SEMA3C: variants seen among roughly 807,000 people sequenced by gnomAD.
The protein encoded by SEMA3C is semaphorin-3C.
In SEMA3C, 47 loss-of-function variants were observed where a neutral mutation model predicts 89.4. The ratio of observed to expected loss-of-function variants is 0.53; its 90% CI spans 0.42 to 0.67. SEMA3C has a LOEUF of 0.67. Ranked by LOEUF, SEMA3C falls within the 30% of genes least tolerant of loss-of-function variation. SEMA3C has a pLI of 0.00. For missense variants in SEMA3C, 839 were observed against 929.1 expected (o/e 0.90, Z 1.26); for synonymous variants, 310 against 320.2 (o/e 0.97, Z 0.34).
At position 80,789,385 on chromosome 7, in the gene SEMA3C, A is replaced by C. The variant is rs755717781; in HGVS notation, c.1275T>G (p.Thr425=). The stretch of plus-strand genomic sequence containing the variant: ...CAGCTATCTTTGTATACTTGTAGTC[A>C]GTGCCAATACGAACAATCAAAGGCC... ...HKRPLIVRIG[T]DYKYTKIAVD... is the part of the protein sequence containing the mutation. The change falls in exon 12 of 18, where the codon ACT becomes ACG. Residue 425 remains threonine (T), a synonymous_variant. Coordinates refer to ENST00000265361, the MANE Select transcript of SEMA3C (RefSeq NM_006379.5). 6.8e-6 allele frequency: 11 copies of C among 1,613,996 alleles called. No individual in the cohort carries two copies. The highest frequency in any genetic ancestry group is 9.3e-6 in the Non-Finnish European group (11 of 1,179,988).
At chr7:80,822,252 G>C (rs1789766321) in intron 4 of SEMA3C, among the ~76,000 whole-genome samples, 1 of 152,064 alleles carries the variant, frequency 6.6e-6, no homozygotes, top group African/African-American at 2.4e-5. Flanking sequence ...ACCGTAGAAG[G>C]AAAGAAAGGC....
At chr7:80,829,495 G>T (rs1340287525) in intron 2 of SEMA3C, among the ~76,000 whole-genome samples, 1 of 151,980 alleles carries the variant, frequency 6.6e-6, no homozygotes, top group South Asian at 2.1e-4. Context: ...ACAAATATTT[G>T]CCTTGCTTCC....
intron 12 of SEMA3C, among the ~76,000 whole-genome samples, chr7:80,772,493 A>C (rs1265845762): frequency 6.6e-6 from 1 of 152,152 alleles, no homozygotes; most frequent in Non-Finnish European, 1.5e-5. Flanking sequence ...GAAAGCTGTA[A>C]TGTTGACACC....
chr7:80,920,438 G>A (rs1277891205), upstream of SEMA3C, among the ~76,000 whole-genome samples: 1 of 152,132 alleles, frequency 6.6e-6, no homozygotes, highest in Non-Finnish European at 1.5e-5. Flanking sequence ...ACCCCTCTGG[G>A]GGTGCAAAAT....
At chr7:80,747,197 G>T (rs542244227) in intron 17 of SEMA3C, among the ~76,000 whole-genome samples, 1 of 151,890 alleles carries the variant, frequency 6.6e-6, no homozygotes, top group African/African-American at 2.4e-5. Context: ...TTTGAGATTG[G>T]AAAAAAAGTC....
At chr7:80,890,354 A>G (rs1461647806) in intron 2 of SEMA3C, among the ~76,000 whole-genome samples, 1 of 152,160 alleles carries the variant, frequency 6.6e-6, no homozygotes, top group Non-Finnish European at 1.5e-5. Context: ...CCTTTTCAAC[A>G]TAGGCCTTAA....
At chr7:80,763,679 A>G (rs144820456) in intron 13 of SEMA3C, among the ~76,000 whole-genome samples, 2 of 152,304 alleles carry the variant, frequency 1.3e-5, no homozygotes, top group Admixed American at 6.5e-5. Flanking sequence ...TCAAAAGGAG[A>G]TATTTCAGTA....
intron 2 of SEMA3C, among the ~76,000 whole-genome samples, chr7:80,893,068 G>A (rs1256309230): frequency 5.3e-5 from 8 of 152,122 alleles, no homozygotes; most frequent in African/African-American, 1.9e-4. Flanking sequence ...ACTAAAAGAC[G>A]AAAGGTGGAA....
At chr7:80,874,777 T>C (rs1206956449) in intron 2 of SEMA3C, among the ~76,000 whole-genome samples, 1 of 151,932 alleles carries the variant, frequency 6.6e-6, no homozygotes, top group Non-Finnish European at 1.5e-5. Context: ...CCATAGCAAG[T>C]TATTTACTCT....
intron 2 of SEMA3C, among the ~76,000 whole-genome samples, chr7:80,885,142 T>G (rs2116119239): frequency 6.6e-6 from 1 of 152,334 alleles, no homozygotes; most frequent in African/African-American, 2.4e-5. Context: ...GGTTTAATAG[T>G]TTTGCAACTC....
Position 80,748,928 on chromosome 7 carries a change from C to T in SEMA3C, c.1812G>A (p.Leu604=), listed in dbSNP as rs777150958. ...PKSPQASIKW[L]LQKDKDRRKE... is the part of the protein sequence containing the mutation. ...TCCTCCTGTCTTTGTCTTTCTGTAA[C>T]AGCCACTTGATAGATGCCTGCGGAG... Residue 604 remains leucine (L), a synonymous_variant, in exon 17 of 18, where the codon CTG becomes CTA. Transcript: ENST00000265361. 3.1e-6 allele frequency: 5 copies of T among 1,612,904 alleles called. No homozygotes were observed. The South Asian group carries it at 4.4e-5, about 14-fold the overall frequency.
chr7:80,754,352 T>C (rs1203435648), intron 15 of SEMA3C, among the ~76,000 whole-genome samples: 3 of 152,222 alleles, frequency 2.0e-5, no homozygotes, highest in Non-Finnish European at 2.9e-5. Context: ...TTTCTCTGTT[T>C]GTACACAAAG....
chr7:80,789,888 T>C (rs1388837230), intron 11 of SEMA3C, among the ~76,000 whole-genome samples: 1 of 152,198 alleles, frequency 6.6e-6, no homozygotes, highest in African/African-American at 2.4e-5. Context: ...AATCTAATGC[T>C]GCCACTTGTT....
rs891269540 is a variant in SEMA3C at position 80,892,339 on chromosome 7, ATTTAC to A, written c.103+24335_103+24339del. 8.5e-5 allele frequency among the ~76,000 whole-genome samples: 13 copies of A among 152,254 alleles called. No individual in the cohort carries two copies. The South Asian group carries it at 1.2e-3, about 15-fold the overall frequency. On this transcript the variant is annotated intron_variant, in intron 2 of 17. Coordinates refer to ENST00000265361, the MANE Select transcript of SEMA3C (RefSeq NM_006379.5). ...AAAATGTATTTACAGAGAGATCATT[ATTTAC>A]TTTAACAGTCAGTAGGAATTTCTTT...
Position 80,828,643 on chromosome 7 carries a change from C to A in SEMA3C, c.206G>T (p.Gly69Val). ...CAGGGAAAGAATGTGATCTTTGCTT[C>A]CCACATATATCCGGTCCTGATCTTC... is the stretch of plus-strand genomic sequence containing the variant. ...MDEDQDRIYV[G>V]SKDHILSLNI... The change falls in exon 3 of 18, where the codon GGA (glycine) becomes GTA (valine). Residue 69 changes from glycine to valine, a missense_variant. Physicochemically the swap from Gly to Val is moderately radical, Grantham distance 109 (BLOSUM62 -3). Transcript: ENST00000265361. 1 of 1,611,876 alleles carries A rather than the reference C, an allele frequency of 6.2e-7. No homozygotes were observed. The highest frequency in any genetic ancestry group is 2.2e-5 in the East Asian group (1 of 44,814).
chr7:80,837,736 G>A (rs1211234040), intron 2 of SEMA3C, among the ~76,000 whole-genome samples: 1 of 152,114 alleles, frequency 6.6e-6, no homozygotes, highest in Non-Finnish European at 1.5e-5. Context: ...TTTAAACAGG[G>A]CTGTCTCATA....
At chr7:80,745,382 T>C (rs1400131470) in intron 17 of SEMA3C, 75 bp from the exon 18 acceptor site, 6 of 1,365,354 alleles carry the variant, frequency 4.4e-6, no homozygotes, top group Non-Finnish European at 5.1e-6. Flanking sequence ...ATACACAGAA[T>C]AGTCTCAACT....
chr7:80,827,522 C>A lies in SEMA3C; in HGVS notation c.265-35G>T, dbSNP rs199630958. On this transcript the variant is annotated intron_variant, in intron 3 of 17. Coordinates refer to ENST00000265361, the MANE Select transcript of SEMA3C (RefSeq NM_006379.5). The stretch of plus-strand genomic sequence containing the variant: ...AAGAAAAATAAAGGTTGCATAATCT[C>A]ACCTGGACATATGACAGCCCAGTGC... 7.7e-5 allele frequency: 121 copies of A among 1,565,180 alleles called. 2 individuals are homozygous for A. The highest frequency in any genetic ancestry group is 5.8e-4 in the South Asian group (49 of 83,974).
At chr7:80,883,160 G>A (rs1017735589) in intron 2 of SEMA3C, among the ~76,000 whole-genome samples, 1 of 152,058 alleles carries the variant, frequency 6.6e-6, no homozygotes, top group Non-Finnish European at 1.5e-5. Context: ...TATCCTATAT[G>A]TGCTTTTTTT....
Sources: gnomAD v4.1 joint callset for allele counts (sites outside exome capture counted in the v4.1 genomes callset) on GRCh38, gnomAD v4.1.1 for gene constraint, MANE v1.5 for transcripts, NCBI Gene and HGNC (gene_info 2026-07-23, HGNC 2026-07-21) for gene names.